The following NLRP7 variants were observed in gnomAD, a reference collection of about 807,000 sequenced individuals.
NLRP7 encodes the protein NLR family pyrin domain containing 7, also known as NACHT, LRR and PYD domains-containing protein 7.
Under a neutral mutation model 85.5 loss-of-function variants are expected in NLRP7, and 72 were observed. That is an observed-to-expected ratio of 0.84 (90% CI 0.70 to 1.02). The LOEUF is 1.02. Among genes scored for constraint, NLRP7 ranks in the 50% least tolerant of loss-of-function variants. The probability of loss-of-function intolerance (pLI) is 0.00; values close to 1 mark genes in which losing one functional copy is unlikely to be tolerated. For missense variants in NLRP7, 1,243 were observed against 1,219.5 expected, an observed-to-expected ratio of 1.02 and a Z score of -0.29; for synonymous variants, 550 against 505.2, an observed-to-expected ratio of 1.09 and a Z score of -1.19.
In NLRP7 at chr19:54,940,933, G is replaced by A. The variant is rs1406019283; in HGVS notation, c.350C>T (p.Pro117Leu). The A allele has an allele frequency of 6.9e-6, 11 of 1,601,616 alleles. No individual in the cohort carries two copies. The highest frequency in any genetic ancestry group is 9.4e-6 in the Non-Finnish European group (11 of 1,168,798). The stretch of plus-strand genomic sequence containing the variant: ...ACCATAGGACCGTATTTACCCACCT[G>A]GCTTTGCTAACTCCGAGTCTTCTTC... The change falls in exon 3 of 10, where the codon CCA becomes CTA. Residue 117 changes from proline to leucine, a missense_variant and splice_region_variant. Transcript: ENST00000340844.
At chr19:54,925,698 C>CTAAAG in intron 9 of NLRP7, among the ~76,000 whole-genome samples, 1 of 152,138 alleles carries the variant, frequency 6.6e-6, no homozygotes, top group South Asian at 2.1e-4. Context: ...AGGTAGATTA[C>CTAAAG]GTTAAAATAA....
chr19:54,952,921 C>T (rs976972890), intron 1 of NLRP7, among the ~76,000 whole-genome samples: 1 of 151,788 alleles, frequency 6.6e-6, no homozygotes, highest in African/African-American at 2.4e-5. Context: ...GTGGATTACC[C>T]GAAGTAGAGT....
At chr19:54,952,042 G>A (rs888130950), upstream of NLRP7, among the ~76,000 whole-genome samples, 8 of 152,062 alleles carry the variant, frequency 5.3e-5, no homozygotes, top group African/African-American at 1.7e-4. Flanking sequence ...GTGAGCCACC[G>A]CGCCCGGCCC....
chr19:54,943,803 T>TC (rs2069348902), intron 1 of NLRP7, among the ~76,000 whole-genome samples: 1 of 152,036 alleles, frequency 6.6e-6, no homozygotes, highest in Non-Finnish European at 1.5e-5. Flanking sequence ...CATAAGAGAC[T>TC]CCATTTTGTT....
exon 2 of NLRP7, chr19:54,941,690 A>T: frequency 5.6e-6 from 9 of 1,612,622 alleles, no homozygotes; most frequent in Non-Finnish European, 7.6e-6. Flanking sequence ...TGCAGAGTCC[A>T]CTCTAGCTGG....
upstream of NLRP7, among the ~76,000 whole-genome samples, chr19:54,948,395 A>G (rs116444562): frequency 0.012 from 1,851 of 151,978 alleles, 40 homozygotes; most frequent in African/African-American, 0.042. Context: ...AAACAAAAAC[A>G]AAAAAATTAG....
chr19:54,952,677 G>A (rs1201017414), intron 1 of NLRP7, among the ~76,000 whole-genome samples: 1 of 152,038 alleles, frequency 6.6e-6, no homozygotes, highest in Admixed American at 6.6e-5. Context: ...TCAGCCCTGT[G>A]ATTAAACTTC....
intron 1 of NLRP7, among the ~76,000 whole-genome samples, chr19:54,944,026 G>A (rs2069358784): frequency 6.6e-6 from 1 of 152,096 alleles, no homozygotes; most frequent in Non-Finnish European, 1.5e-5. Context: ...CACTGCGGAA[G>A]GCTGCAGGGA....
At chr19:54,947,856 G>A, upstream of NLRP7, 4 of 232,800 alleles carry the variant, frequency 1.7e-5, no homozygotes, top group East Asian at 1.2e-4. Context: ...AACTCTTGTA[G>A]AGAAAAAAAA....
At chr19:54,939,345 C>T (rs529348651) in exon 4 of NLRP7, 32 of 1,614,146 alleles carry the variant, frequency 2.0e-5, no homozygotes, top group South Asian at 3.3e-5. Context: ...CAGGCGTGGC[C>T]GTCCCTGTCC....
chr19:54,942,915 G>A (rs994754249), intron 1 of NLRP7, among the ~76,000 whole-genome samples: 14 of 151,950 alleles, frequency 9.2e-5, no homozygotes, highest in African/African-American at 3.4e-4. Flanking sequence ...GGGAGGCTGA[G>A]GCAGGTGGAT....
At chr19:54,939,992 T>G in exon 4 of NLRP7, 2 of 1,614,178 alleles carry the variant, frequency 1.2e-6, no homozygotes, top group African/African-American at 2.7e-5. Context: ...CACCGGCTTC[T>G]TCTTCTCCCA....
intron 1 of NLRP7, among the ~76,000 whole-genome samples, chr19:54,958,645 A>AAATAAT (rs199572658): frequency 3.8e-4 from 58 of 151,300 alleles, no homozygotes; most frequent in South Asian, 1.5e-3. Flanking sequence ...ACTCTGTCTC[A>AAATAAT]AATAATAATA....
At chr19:54,932,977 A>G (rs2068740013) in intron 8 of NLRP7, among the ~76,000 whole-genome samples, 1 of 152,162 alleles carries the variant, frequency 6.6e-6, no homozygotes, top group African/African-American at 2.4e-5. Context: ...ACATAACTCA[A>G]TCTACCTCCA....
rs199748252 is a variant in NLRP7, at chr19:54,939,724, C to T, written c.1095G>A (p.Val365=). 8 of 1,613,590 alleles carry T rather than the reference C, an allele frequency of 5.0e-6. No homozygotes were observed. The Admixed American group carries it at 1.3e-4, about 27-fold the overall frequency. The change falls in exon 4 of 10, where the codon GTG becomes GTA. Residue 365 remains valine (V), a synonymous_variant. Transcript: ENST00000340844. ...TCAGAGTCGTGCACACAATCCAGCA[C>T]ACCGCGGGGGCCGAGCCCAGCTGGA...
chr19:54,938,332 A>G lies in NLRP7; in HGVS notation c.1932-91T>C, dbSNP rs1039084171. 5 of 1,024,860 alleles carry G rather than the reference A, an allele frequency of 4.9e-6. No individual in the cohort carries two copies. In the African/African-American group the frequency reaches 7.8e-5, roughly 16 times the overall value. The allele number at this position is 1,024,860 out of a possible 1,614,324, so 63.5% of individuals were successfully genotyped here. On this transcript the variant is annotated intron_variant, in intron 4 of 9. Transcript: ENST00000340844. ...CCACATTTCAATGGCAAAAACCACAATTACTTTTGCACCAACCTAAAACAG... is the reference window on the plus strand; with the variant it reads ...CCACATTTCAATGGCAAAAACCACAGTTACTTTTGCACCAACCTAAAACAG...
intron 1 of NLRP7, among the ~76,000 whole-genome samples, chr19:54,944,243 G>GTC (rs2069368205): frequency 6.6e-6 from 1 of 152,070 alleles, no homozygotes; most frequent in Admixed American, 6.6e-5. Context: ...GCAATGGAAT[G>GTC]TCTCGGTGTA....
chr19:54,939,808 A>C (rs773973764), exon 4 of NLRP7: 30 of 1,613,824 alleles, frequency 1.9e-5, no homozygotes, highest in Middle Eastern at 1.6e-4. Flanking sequence ...CCTCGTCTCC[A>C]AAGTGTCTCA....
chr19:54,939,390 C>G, exon 4 of NLRP7: 5 of 1,614,092 alleles, frequency 3.1e-6, no homozygotes, highest in Non-Finnish European at 4.2e-6. Context: ...TAGAACAGGG[C>G]AGTGAGAAAC....
Sources: allele counts gnomAD v4.1 joint callset (sites outside exome capture counted in the v4.1 genomes callset), GRCh38; gene constraint gnomAD v4.1.1; transcripts MANE v1.5; gene names NCBI Gene and HGNC (gene_info 2026-07-23, HGNC 2026-07-21).